Variants in GLCCI1 observed in about 807,000 individuals in gnomAD.
GLCCI1 encodes the protein glucocorticoid induced 1.
Under a neutral mutation model 52.2 loss-of-function variants are expected in GLCCI1, and 24 were observed. The ratio of observed to expected loss-of-function variants is 0.46; its 90% CI spans 0.33 to 0.65. The LOEUF is 0.65. GLCCI1 is among the 30% of genes least tolerant of loss of function. The probability of loss-of-function intolerance (pLI) is 0.02; values close to 1 mark genes in which losing one functional copy is unlikely to be tolerated. For synonymous variants in GLCCI1, 310 were observed against 276.5 expected (o/e 1.12, Z -1.20); for missense variants, 704 against 701.5 (o/e 1.00, Z -0.04).
At chr7:8,067,263 A>C (rs185976053) in intron 5 of GLCCI1, among the ~76,000 whole-genome samples, 1 of 152,054 alleles carries the variant, frequency 6.6e-6, no homozygotes, top group African/African-American at 2.4e-5. Flanking sequence ...TTTTGACCGC[A>C]TGGGTGTCTT....
At chr7:7,985,539 G>GTTAA (rs1780705808) in intron 1 of GLCCI1, among the ~76,000 whole-genome samples, 1 of 151,240 alleles carries the variant, frequency 6.6e-6, no homozygotes, top group South Asian at 2.1e-4. Context: ...GGAACTTTAA[G>GTTAA]TTAAAAAAAA....
rs1269320777 is a variant in GLCCI1, at chr7:8,086,776, A to G, written c.*238A>G. On this transcript the variant is annotated 3_prime_UTR_variant, in exon 8 of 8. Coordinates refer to ENST00000223145, the MANE Select transcript of GLCCI1 (RefSeq NM_138426.4). This position sits in a 1 kb window ranked among gnomAD's most constrained non-coding sequence, Gnocchi z 4.4. ...TCAGCATTTTAAGTGGAGACTATGCATTTCATAGTATATTTGACAGATTAG... is the reference window on the plus strand; with the variant it reads ...TCAGCATTTTAAGTGGAGACTATGCGTTTCATAGTATATTTGACAGATTAG... The G allele has an allele frequency of 2.0e-6, 1 of 499,000 alleles. No homozygotes were observed. Among genetic ancestry groups the G allele is most frequent in the Non-Finnish European group, 3.5e-6 (1 of 282,506 alleles). The allele number at this position is 499,000 out of a possible 1,614,324, so 30.9% of individuals were successfully genotyped here.
intron 2 of GLCCI1, among the ~76,000 whole-genome samples, chr7:8,007,339 GTACGTAGTAC>G (rs1781173533): frequency 6.6e-6 from 1 of 151,984 alleles, no homozygotes; most frequent in Admixed American, 6.5e-5. Context: ...TATGTACTAC[GTACGTAGTAC>G]ATCGTTATGT....
chr7:8,052,176 C>G lies in GLCCI1; in HGVS notation c.697-3257C>G, dbSNP rs189823318. Among the ~76,000 whole-genome samples the G allele has an allele frequency of 3.5e-3, 537 of 152,140 alleles. 4 individuals are homozygous for G. The highest frequency in any genetic ancestry group is 0.01 in the African/African-American group (433 of 41,496). On this transcript the variant is annotated intron_variant, in intron 3 of 7. Transcript: ENST00000223145. ...GCTTCTTTCAGGTAGCCTGAGTATT[C>G]TGCTAAGGCTACAGCTTGCTGAGTA...
At chr7:8,079,303 G>C (rs1402977553) in intron 6 of GLCCI1, among the ~76,000 whole-genome samples, 1 of 150,992 alleles carries the variant, frequency 6.6e-6, no homozygotes, top group African/African-American at 2.4e-5. Context: ...AAAAACTGAT[G>C]TTCCTGGAAA....
At chr7:8,048,988 G>A (rs960456452) in intron 3 of GLCCI1, among the ~76,000 whole-genome samples, 2 of 151,932 alleles carry the variant, frequency 1.3e-5, no homozygotes, top group Admixed American at 6.6e-5. Flanking sequence ...TTTTGTTTTT[G>A]TTTTTACTAT....
At chr7:7,983,562 A>T (rs1345486231) in intron 1 of GLCCI1, among the ~76,000 whole-genome samples, 1 of 152,188 alleles carries the variant, frequency 6.6e-6, no homozygotes, top group East Asian at 1.9e-4. Flanking sequence ...GTATTCCAGC[A>T]TCTACTATGG....
intron 2 of GLCCI1, among the ~76,000 whole-genome samples, chr7:8,006,321 T>C (rs1193493483): frequency 6.6e-6 from 1 of 152,114 alleles, no homozygotes; most frequent in African/African-American, 2.4e-5. Context: ...TCTTGGAGAG[T>C]GCAGTATTGG....
At chr7:7,994,597 G>C (rs1489859466) in intron 1 of GLCCI1, among the ~76,000 whole-genome samples, 2 of 152,188 alleles carry the variant, frequency 1.3e-5, no homozygotes, top group African/African-American at 4.8e-5. Flanking sequence ...TGAAGGCAGA[G>C]CCCTCATGGC....
At chr7:7,999,821 T>C (rs575595622) in intron 1 of GLCCI1, among the ~76,000 whole-genome samples, 5 of 152,184 alleles carry the variant, frequency 3.3e-5, no homozygotes, top group Middle Eastern at 3.4e-3. Flanking sequence ...GAGGATCACT[T>C]AAGTCTGGGA....
At chr7:8,052,382 C>G (rs1782277617) in intron 3 of GLCCI1, among the ~76,000 whole-genome samples, 1 of 152,120 alleles carries the variant, frequency 6.6e-6, no homozygotes, top group East Asian at 1.9e-4. Context: ...AAAGGTTGTT[C>G]TTAAGTTGTG....
At chr7:8,079,221 T>C (rs1334455038) in intron 6 of GLCCI1, among the ~76,000 whole-genome samples, 1 of 152,142 alleles carries the variant, frequency 6.6e-6, no homozygotes, top group Non-Finnish European at 1.5e-5. Context: ...CCTCTCTTAT[T>C]GGGAGACCAC....
intron 1 of GLCCI1, among the ~76,000 whole-genome samples, chr7:7,989,346 G>A (rs946716975): frequency 2.0e-5 from 3 of 152,012 alleles, no homozygotes; most frequent in African/African-American, 7.2e-5. Flanking sequence ...TGTTGGCAGT[G>A]CATCTGTCAA....
At chr7:8,043,685 T>C (rs992186783) in intron 3 of GLCCI1, among the ~76,000 whole-genome samples, 5 of 152,218 alleles carry the variant, frequency 3.3e-5, no homozygotes, top group African/African-American at 9.6e-5. Flanking sequence ...TAAAACCTTA[T>C]GAATTTTACT....
intron 3 of GLCCI1, chr7:8,022,809 T>A (rs1318406372): frequency 9.3e-6 from 2 of 214,158 alleles, no homozygotes; most frequent in Admixed American, 5.8e-5. Flanking sequence ...TTTACCCTAT[T>A]TGTGTATTTT....
chr7:8,019,484 T>A (rs1396910812), intron 2 of GLCCI1, among the ~76,000 whole-genome samples: 1 of 152,216 alleles, frequency 6.6e-6, no homozygotes, highest in African/African-American at 2.4e-5. Context: ...TGACCTTAAA[T>A]TATATGCATT....
At position 8,066,311 on chromosome 7, in the gene GLCCI1, C is replaced by G. The variant is rs1401794002; in HGVS notation, c.967-4610C>G. Among the ~76,000 whole-genome samples the G allele has an allele frequency of 2.0e-5, 3 of 151,918 alleles. No individual in the cohort carries two copies. The East Asian group carries it at 5.8e-4, about 29-fold the overall frequency. On this transcript the variant is annotated intron_variant, in intron 5 of 7. Transcript: ENST00000223145. Reference sequence around the variant, plus strand: ...TTTCTTTATTAGTCTAGCTAGCAGTCTCTCTCATTCTTTCAAAGAATTAAT... The same window carrying G: ...TTTCTTTATTAGTCTAGCTAGCAGTGTCTCTCATTCTTTCAAAGAATTAAT...
chr7:7,993,788 G>GAAA (rs5882149), intron 1 of GLCCI1, among the ~76,000 whole-genome samples: 3 of 147,728 alleles, frequency 2.0e-5, no homozygotes, highest in African/African-American at 7.4e-5. Context: ...GTTACATCCT[G>GAAA]AAAAAAAAAA....
chr7:8,060,058 C>T, intron 4 of GLCCI1, 38 bp from the exon 5 acceptor site: 1 of 1,553,996 alleles, frequency 6.4e-7, no homozygotes, highest in African/African-American at 1.4e-5. Flanking sequence ...TTGCTTTGAC[C>T]ACAAATAATT....
Sources: gnomAD v4.1 joint callset for allele counts (sites outside exome capture counted in the v4.1 genomes callset) on GRCh38, gnomAD v4.1.1 for gene constraint, Gnocchi (gnomAD v3.1) non-coding constraint, MANE v1.5 for transcripts, NCBI Gene and HGNC (gene_info 2026-07-23, HGNC 2026-07-21) for gene names.